Variants in UBE2V2 observed in about 807,000 individuals in gnomAD.
UBE2V2 encodes the protein ubiquitin conjugating enzyme E2 V2.
Under a neutral mutation model 17.2 loss-of-function variants are expected in UBE2V2, and 9 were observed. That is an observed-to-expected ratio of 0.52 (90% confidence interval 0.32 to 0.91). UBE2V2 has a LOEUF of 0.91. Among genes scored for constraint, UBE2V2 ranks in the 40% least tolerant of loss-of-function variants. The pLI is 0.04. For synonymous variants in UBE2V2, 61 were observed against 57.5 expected (o/e 1.06, Z -0.28); for missense variants, 133 against 182.6 (o/e 0.73, Z 1.56).
At chr8:48,019,104 C>A (rs1206324516) in intron 1 of UBE2V2, among the ~76,000 whole-genome samples, 2 of 152,030 alleles carry the variant, frequency 1.3e-5, no homozygotes, top group Middle Eastern at 3.2e-3. Flanking sequence ...CGGTGGCTCA[C>A]ACCTGTAATC....
chr8:48,029,751 T>C (rs1015504025), intron 1 of UBE2V2, among the ~76,000 whole-genome samples: 20 of 152,220 alleles, frequency 1.3e-4, no homozygotes, highest in African/African-American at 3.4e-4. Context: ...GAAATACTTA[T>C]GTTATTGAGA....
chr8:48,042,994 A>T (rs185093734), intron 1 of UBE2V2, 39 bp from the exon 2 acceptor site: 8 of 1,405,392 alleles, frequency 5.7e-6, no homozygotes, highest in Non-Finnish European at 7.5e-6. Flanking sequence ...TCTTATAATT[A>T]TGAGCTTTTT....
chr8:48,017,656 A>C (rs1420377679), intron 1 of UBE2V2, among the ~76,000 whole-genome samples: 4 of 151,908 alleles, frequency 2.6e-5, no homozygotes, highest in African/African-American at 9.7e-5. Context: ...TACAGGCGAG[A>C]GCCACCGCGC....
In UBE2V2 at chr8:48,024,632, G is replaced by A. The variant is rs1490575569; in HGVS notation, c.16+16162G>A. Reference sequence around the variant, plus strand: ...AAAGAGATTCTTAAATACTGCTTCTGTATCACACTGTATCCTACGTATGCC... The same window carrying A: ...AAAGAGATTCTTAAATACTGCTTCTATATCACACTGTATCCTACGTATGCC... On this transcript the variant is annotated intron_variant, in intron 1 of 3. Coordinates refer to ENST00000523111, the MANE Select transcript of UBE2V2 (RefSeq NM_003350.3). 5.9e-5 allele frequency among the ~76,000 whole-genome samples: 9 copies of A among 151,892 alleles called. No individual in the cohort carries two copies. In the East Asian group the frequency reaches 1.7e-3, roughly 29 times the overall value.
At chr8:48,014,709 T>A (rs1399552352) in intron 1 of UBE2V2, among the ~76,000 whole-genome samples, 1 of 148,708 alleles carries the variant, frequency 6.7e-6, no homozygotes, top group Admixed American at 6.8e-5. Flanking sequence ...TAGTATGTCA[T>A]AATTTAAAGT....
chr8:48,017,837 A>T (rs765684978), intron 1 of UBE2V2, among the ~76,000 whole-genome samples: 10 of 145,186 alleles, frequency 6.9e-5, no homozygotes, highest in Admixed American at 3.5e-4. Context: ...TAGTAGTTTC[A>T]TAGATTGCCT....
chr8:48,038,427 C>T (rs558371207), intron 1 of UBE2V2, among the ~76,000 whole-genome samples: 5 of 152,136 alleles, frequency 3.3e-5, no homozygotes, highest in South Asian at 2.1e-4. Flanking sequence ...GTGATCCTCC[C>T]GCCTTAGTCT....
intron 1 of UBE2V2, among the ~76,000 whole-genome samples, chr8:48,026,367 G>A (rs1467815867): frequency 2.6e-5 from 4 of 152,314 alleles, no homozygotes; most frequent in South Asian, 4.1e-4. Flanking sequence ...ACTTCTGGTG[G>A]ATGGAGATGT....
intron 1 of UBE2V2, among the ~76,000 whole-genome samples, chr8:48,011,175 C>T (rs1000868809): frequency 6.6e-6 from 1 of 151,984 alleles, no homozygotes; most frequent in Non-Finnish European, 1.5e-5. Context: ...ATGTAATGCA[C>T]GTGTTTGTTT....
Position 48,062,273 on chromosome 8 carries a change from A to G in UBE2V2, c.*1445A>G, listed in dbSNP as rs1239663330. ...TATAGGCAAACCAAAACCTTATCAA[A>G]TATTAAATTAGTTGTTTAAACTTTG... On this transcript the variant is annotated 3_prime_UTR_variant, in exon 4 of 4. Coordinates refer to ENST00000523111, the MANE Select transcript of UBE2V2 (RefSeq NM_003350.3). 1 of 152,210 alleles carries G rather than the reference A, an allele frequency of 6.6e-6. No homozygotes were observed. 9.4% of individuals were successfully genotyped at this position (152,210 alleles called of 1,614,324 possible). A position where few individuals can be genotyped will look rare whatever the true frequency, so the allele number is the denominator to read the frequency against.
chr8:48,011,524 G>GT (rs1189330968), intron 1 of UBE2V2, among the ~76,000 whole-genome samples: 4 of 152,096 alleles, frequency 2.6e-5, no homozygotes, highest in Non-Finnish European at 4.4e-5. Flanking sequence ...GATAACAGTT[G>GT]TTTAAGAGGC....
Position 48,008,439 on chromosome 8 carries a change from C to T in UBE2V2, c.-16C>T, listed in dbSNP as rs759844335. ...CGTGCGTGCGTGCGGGCGGCTGCGT[C>T]GGGCTGCAGGAGAAGATGGCGGTCT... On this transcript the variant is annotated 5_prime_UTR_variant, in exon 1 of 4. Coordinates refer to ENST00000523111, the MANE Select transcript of UBE2V2 (RefSeq NM_003350.3). 3 of 1,565,560 alleles carry T rather than the reference C, an allele frequency of 1.9e-6. No individual in the cohort carries two copies. The highest frequency in any genetic ancestry group is 1.9e-5 in the Admixed American group (1 of 53,920).
At chr8:48,024,001 T>C (rs2091322695) in intron 1 of UBE2V2, among the ~76,000 whole-genome samples, 1 of 152,210 alleles carries the variant, frequency 6.6e-6, no homozygotes, top group Non-Finnish European at 1.5e-5. Flanking sequence ...ACTTCAGGAC[T>C]GGGTTTGGGA....
At chr8:48,027,887 G>A (rs780222348) in intron 1 of UBE2V2, among the ~76,000 whole-genome samples, 10 of 151,676 alleles carry the variant, frequency 6.6e-5, no homozygotes, top group African/African-American at 2.4e-4. Flanking sequence ...ACGGAGTCTC[G>A]CTCTCGCCCA....
chr8:48,027,121 A>C (rs1294907217), intron 1 of UBE2V2, among the ~76,000 whole-genome samples: 2 of 152,068 alleles, frequency 1.3e-5, no homozygotes, highest in Non-Finnish European at 2.9e-5. Context: ...CGTAGCTTGG[A>C]TGCCACGTAG....
intron 1 of UBE2V2, among the ~76,000 whole-genome samples, chr8:48,031,495 A>C (rs551786501): frequency 6.6e-6 from 1 of 152,208 alleles, no homozygotes; most frequent in Non-Finnish European, 1.5e-5. Flanking sequence ...TTTTGGTTAC[A>C]ACCTAAAGAG....
the UBE2V2 span, among the ~76,000 whole-genome samples, chr8:48,002,364 A>T: frequency 1.3e-5 from 2 of 152,246 alleles, no homozygotes; most frequent in Non-Finnish European, 2.9e-5. Flanking sequence ...AAAAAGAAAG[A>T]AACAGTCATT....
chr8:48,026,669 A>T (rs193238175), intron 1 of UBE2V2, among the ~76,000 whole-genome samples: 92 of 152,048 alleles, frequency 6.1e-4, no homozygotes, highest in African/African-American at 2.2e-3. Flanking sequence ...TTTATATATT[A>T]TGTGGTCTTT....
rs945473409 is a variant in UBE2V2 at position 48,037,450 on chromosome 8, A to C, written c.17-5583A>C. ...CATTGAGATATATTGGGGTAGACAA[A>C]AAGTTGTATGTATACCACTGATACA... On this transcript the variant is annotated intron_variant, in intron 1 of 3. Transcript: ENST00000523111. 3.3e-5 allele frequency among the ~76,000 whole-genome samples: 5 copies of C among 152,346 alleles called. No homozygotes were observed. The South Asian group carries it at 1.0e-3, about 32-fold the overall frequency.
Sources: allele counts gnomAD v4.1 joint callset (sites outside exome capture counted in the v4.1 genomes callset), GRCh38; gene constraint gnomAD v4.1.1; transcripts MANE v1.5; gene names NCBI Gene and HGNC (gene_info 2026-07-23, HGNC 2026-07-21).